The following FMN2 variants were observed in gnomAD, a reference collection of about 807,000 sequenced individuals.
FMN2 encodes the protein formin 2, also known as formin-2.
FMN2 carries 51 observed loss-of-function variants against 142.3 expected under a neutral mutation model. The observed-to-expected ratio is 0.36, with a 90% confidence interval of 0.29 to 0.45. The LOEUF (loss-of-function observed/expected upper bound fraction) is 0.45. Among genes scored for constraint, FMN2 ranks in the 20% least tolerant of loss-of-function variants. The pLI is 1.00. For missense variants in FMN2, 1,936 were observed against 2,122.8 expected (o/e 0.91, Z 1.73); for synonymous variants, 882 against 869.8 (o/e 1.01, Z -0.25).
intron 16 of FMN2, among the ~76,000 whole-genome samples, chr1:240,452,834 G>GT (rs1324226092): frequency 3.9e-5 from 6 of 152,130 alleles, no homozygotes; most frequent in African/African-American, 1.2e-4. Flanking sequence ...TTCATGTGCT[G>GT]TTTTTATGAC....
Position 240,207,189 on chromosome 1 carries a change from C to G in FMN2, c.2377C>G (p.Arg793Gly). 6.2e-7 allele frequency: 1 copy of G among 1,613,958 alleles called. No individual in the cohort carries two copies. Among genetic ancestry groups the G allele is most frequent in the African/African-American group, 1.3e-5 (1 of 74,968 alleles). The change falls in exon 5 of 18, where the codon CGA becomes GGA. Residue 793 changes from arginine (R) to glycine (G), a missense_variant. Physicochemically the swap from Arg to Gly is moderately radical, Grantham distance 125. This residue lies in a region of FMN2 where 478 missense variants were observed against 462.8 expected (regional missense o/e 1.03). Transcript: ENST00000319653. ...SEISLIVSPR[R>G]ISVQLDSHQP... ...GATTTCTTTGATTGTGTCTCCAAGG[C>G]GAATATCAGTCCAGCTCGACAGCCA...
chr1:240,184,236 CTTTTTTTTTTT>C (rs34050336), intron 3 of FMN2, among the ~76,000 whole-genome samples: 4 of 79,438 alleles, frequency 5.0e-5, no homozygotes, highest in South Asian at 5.8e-4. Flanking sequence ...AATATTTAAC[CTTTTTTTTTTT>C]TTTTTTTTTT....
At chr1:240,352,896 C>T (rs1002127935) in intron 13 of FMN2, among the ~76,000 whole-genome samples, 9 of 152,168 alleles carry the variant, frequency 5.9e-5, no homozygotes, top group Admixed American at 3.9e-4. Context: ...TGTCATCTGA[C>T]CCATCCCTTT....
chr1:240,188,168 C>T, intron 3 of FMN2, 39 bp from the exon 4 acceptor site: 2 of 1,594,494 alleles, frequency 1.3e-6, no homozygotes, highest in Middle Eastern at 1.7e-4. Flanking sequence ...GGAAAATTGT[C>T]CTTTAAGATA....
intron 13 of FMN2, among the ~76,000 whole-genome samples, chr1:240,339,185 C>T (rs1671665619): frequency 6.6e-6 from 1 of 152,072 alleles, no homozygotes; most frequent in Non-Finnish European, 1.5e-5. Context: ...CATCTGTGGC[C>T]CAGGGGTTGA....
chr1:240,377,188 C>T (rs978417420), intron 14 of FMN2, among the ~76,000 whole-genome samples: 2 of 152,142 alleles, frequency 1.3e-5, no homozygotes, highest in African/African-American at 4.8e-5. Flanking sequence ...TGAATAACTT[C>T]CTTAACATTT....
At chr1:240,250,800 C>T (rs779808670) in intron 6 of FMN2, among the ~76,000 whole-genome samples, 15 of 152,142 alleles carry the variant, frequency 9.9e-5, no homozygotes, top group Non-Finnish European at 1.9e-4. Context: ...CTATTTCTTC[C>T]TGATTCAATC....
rs1156681365 is a variant in FMN2, at chr1:240,205,707, C to T, written c.1987-1092C>T. 6.6e-5 allele frequency among the ~76,000 whole-genome samples: 10 copies of T among 151,760 alleles called. No individual in the cohort carries two copies. In the East Asian group the frequency reaches 7.8e-4, roughly 12 times the overall value. On this transcript the variant is annotated intron_variant, in intron 4 of 17. Transcript: ENST00000319653. ...CGATCTCCTGACCTCGTGATCCACCCGCCTCGGCCTCCCAAAGTGCTGGGA... is the reference window on the plus strand; with the variant it reads ...CGATCTCCTGACCTCGTGATCCACCTGCCTCGGCCTCCCAAAGTGCTGGGA...
At chr1:240,319,954 C>A (rs1670915138) in intron 8 of FMN2, among the ~76,000 whole-genome samples, 1 of 152,056 alleles carries the variant, frequency 6.6e-6, no homozygotes, top group Admixed American at 6.6e-5. Flanking sequence ...TAGTACAATT[C>A]GGTTGCAGAA....
chr1:240,400,529 G>T (rs545822488), intron 15 of FMN2: 1 of 152,328 alleles, frequency 6.6e-6, no homozygotes, highest in South Asian at 2.1e-4. Context: ...TTTCTGCCTG[G>T]TGTACTGTGG....
chr1:240,257,730 TGAATAATGG>T (rs1010377202), intron 6 of FMN2, among the ~76,000 whole-genome samples: 9 of 152,136 alleles, frequency 5.9e-5, no homozygotes, highest in Admixed American at 5.9e-4. Context: ...AGGCTGATGG[TGAATAATGG>T]GGGAAAATGG....
At chr1:240,242,910 T>C (rs1043243422) in intron 6 of FMN2, among the ~76,000 whole-genome samples, 7 of 152,218 alleles carry the variant, frequency 4.6e-5, no homozygotes, top group African/African-American at 1.7e-4. Flanking sequence ...GAATCTAGGC[T>C]GCCCGAGTAA....
At chr1:240,124,272 C>T (rs764587562) in intron 2 of FMN2, among the ~76,000 whole-genome samples, 4 of 152,152 alleles carry the variant, frequency 2.6e-5, no homozygotes, top group African/African-American at 7.2e-5. Context: ...AGCAGCTCCA[C>T]GGGGCACAGT....
chr1:240,466,435 G>T (rs774651709), intron 16 of FMN2, among the ~76,000 whole-genome samples: 1 of 152,002 alleles, frequency 6.6e-6, no homozygotes, highest in African/African-American at 2.4e-5. Flanking sequence ...TTATTATAAA[G>T]ATTTTTTTAA....
At chr1:240,311,593 TAA>T (rs1435108756) in intron 8 of FMN2, among the ~76,000 whole-genome samples, 4 of 152,188 alleles carry the variant, frequency 2.6e-5, no homozygotes, top group Non-Finnish European at 5.9e-5. Flanking sequence ...ATTGACTCTA[TAA>T]ACTTAATAAA....
At chr1:240,284,174 C>A (rs1669506296) in intron 7 of FMN2, among the ~76,000 whole-genome samples, 1 of 152,194 alleles carries the variant, frequency 6.6e-6, no homozygotes, top group Non-Finnish European at 1.5e-5. Context: ...TATTCTTTTA[C>A]TTACTGCTGA....
intron 6 of FMN2, among the ~76,000 whole-genome samples, chr1:240,232,187 A>C (rs1667548714): frequency 6.6e-6 from 1 of 151,336 alleles, no homozygotes; most frequent in African/African-American, 2.4e-5. Context: ...CTCCTGCCTC[A>C]GCCTCCCAAG....
At chr1:240,409,246 G>A (rs9727812) in intron 15 of FMN2, among the ~76,000 whole-genome samples, 1,702 of 152,158 alleles carry the variant, frequency 0.011, 37 homozygotes, top group African/African-American at 0.037. Context: ...GGGTTCAAGC[G>A]ATTCTCCTGC....
intron 2 of FMN2, chr1:240,143,797 C>T (rs879150546): frequency 1.3e-6 from 2 of 1,512,074 alleles, no homozygotes; most frequent in Non-Finnish European, 9.2e-7. Flanking sequence ...TGCAGGACCC[C>T]ACTGCTATCA....
Sources: gnomAD v4.1 joint callset for allele counts (sites outside exome capture counted in the v4.1 genomes callset) on GRCh38, gnomAD v4.1.1 for gene constraint, gnomAD v4.1.1 regional missense constraint, MANE v1.5 for transcripts, NCBI Gene and HGNC (gene_info 2026-07-23, HGNC 2026-07-21) for gene names.